The following FSTL5 variants were observed in gnomAD, a reference collection of about 807,000 sequenced individuals.
FSTL5 encodes the protein follistatin like 5.
In FSTL5, 62 loss-of-function variants were observed where a neutral mutation model predicts 89.1. That is an observed-to-expected ratio of 0.70 (90% CI 0.57 to 0.86). FSTL5 has a LOEUF of 0.86. Among genes scored for constraint, FSTL5 ranks in the 40% least tolerant of loss-of-function variants. The probability of loss-of-function intolerance (pLI) is 0.00; values close to 1 mark genes in which losing one functional copy is unlikely to be tolerated. For synonymous variants in FSTL5, 383 were observed against 346.2 expected (o/e 1.11, Z -1.18); for missense variants, 1,057 against 1,001.6 (o/e 1.06, Z -0.75).
At chr4:161,763,053 AAAC>A (rs1271989536) in intron 5 of FSTL5, among the ~76,000 whole-genome samples, 1 of 152,192 alleles carries the variant, frequency 6.6e-6, no homozygotes, top group African/African-American at 2.4e-5. Context: ...GTTCCAAAAC[AAAC>A]AATAAAAAAA....
rs970869187 is a variant in FSTL5, at chr4:161,421,158, T to C, written c.1841+33846A>G. ...AGATCGAGACCATCCTGGCTAACAC[T>C]GTGAAACCCAACTCTACTAAAAATA... On this transcript the variant is annotated intron_variant, in intron 15 of 15. Transcript: ENST00000306100. 1.2e-4 allele frequency among the ~76,000 whole-genome samples: 18 copies of C among 151,976 alleles called. 1 individual carries two copies. The East Asian group carries it at 2.1e-3, about 18-fold the overall frequency.
At chr4:161,940,742 T>C (rs113622484) in intron 3 of FSTL5, among the ~76,000 whole-genome samples, 1 of 151,718 alleles carries the variant, frequency 6.6e-6, no homozygotes, top group Non-Finnish European at 1.5e-5. Flanking sequence ...TAGTAGACCT[T>C]CACTCCAAGA....
At chr4:162,020,380 AT>A (rs1318672194) in intron 3 of FSTL5, among the ~76,000 whole-genome samples, 1 of 152,104 alleles carries the variant, frequency 6.6e-6, no homozygotes, top group Admixed American at 6.5e-5. Context: ...TCTAATAGTT[AT>A]TTAAGGAGTC....
chr4:162,013,682 T>G (rs7658962), intron 3 of FSTL5, among the ~76,000 whole-genome samples: 16,261 of 152,240 alleles, frequency 0.11, 906 homozygotes, highest in Non-Finnish European at 0.13. Flanking sequence ...CTTCAGACAT[T>G]AGTAAGCAAT....
chr4:161,609,953 T>G (rs1221553478), intron 7 of FSTL5, among the ~76,000 whole-genome samples: 2 of 152,184 alleles, frequency 1.3e-5, no homozygotes, highest in Admixed American at 6.5e-5. Flanking sequence ...CATGAGGGAC[T>G]CAGGGAAATT....
chr4:161,448,626 C>G (rs2126385296), intron 15 of FSTL5, among the ~76,000 whole-genome samples: 1 of 152,258 alleles, frequency 6.6e-6, no homozygotes, highest in Admixed American at 6.5e-5. Context: ...CTATAGACCA[C>G]TCTCCAGACT....
intron 4 of FSTL5, among the ~76,000 whole-genome samples, chr4:161,879,819 C>G (rs1732568013): frequency 6.6e-6 from 1 of 152,172 alleles, no homozygotes; most frequent in Non-Finnish European, 1.5e-5. Context: ...CTATCACTTC[C>G]CCTTGCTTAC....
intron 2 of FSTL5, among the ~76,000 whole-genome samples, chr4:162,046,788 G>A (rs534821914): frequency 2.6e-5 from 4 of 152,076 alleles, no homozygotes; most frequent in African/African-American, 4.8e-5. Flanking sequence ...GAATTTGTAT[G>A]ATTTAAAATG....
rs572814410 is a variant in FSTL5, at chr4:162,060,842, C to A, written c.127-27184G>T. Among the ~76,000 whole-genome samples the A allele has an allele frequency of 2.6e-5, 4 of 151,852 alleles. No homozygotes were observed. In the East Asian group the frequency reaches 7.7e-4, roughly 29 times the overall value. On this transcript the variant is annotated intron_variant, in intron 2 of 15. Coordinates refer to ENST00000306100, the MANE Select transcript of FSTL5 (RefSeq NM_020116.5). ...CCACACTTTGACATCATGAAAAAAA[C>A]CAAAGGTTCTTCTATTGACAACTGT...
chr4:162,150,253 G>A (rs2111508001), intron 1 of FSTL5, among the ~76,000 whole-genome samples: 1 of 152,234 alleles, frequency 6.6e-6, no homozygotes, highest in Admixed American at 6.5e-5. Flanking sequence ...TAACAGTAAA[G>A]CCACAGAGTT....
Position 161,677,846 on chromosome 4 carries a change from C to T in FSTL5, c.728-21352G>A, listed in dbSNP as rs376525392. ...TAAAATTGTGTTTTTTTGACTAACA[C>T]CTCCCCAGTCTCACCACAAATAATG... On this transcript the variant is annotated intron_variant, in intron 6 of 15. Coordinates refer to ENST00000306100, the MANE Select transcript of FSTL5 (RefSeq NM_020116.5). 6.6e-5 allele frequency among the ~76,000 whole-genome samples: 10 copies of T among 151,694 alleles called. No homozygotes were observed. In the South Asian group the frequency reaches 2.1e-3, roughly 31 times the overall value.
intron 4 of FSTL5, among the ~76,000 whole-genome samples, chr4:161,871,296 G>T (rs1732254483): frequency 6.6e-6 from 1 of 151,938 alleles, no homozygotes; most frequent in Non-Finnish European, 1.5e-5. Context: ...TTTGCACTTA[G>T]TAAAAAACTG....
At chr4:161,613,192 C>G (rs1734712699) in intron 7 of FSTL5, among the ~76,000 whole-genome samples, 1 of 152,132 alleles carries the variant, frequency 6.6e-6, no homozygotes, top group South Asian at 2.1e-4. Flanking sequence ...GTGGTTCACG[C>G]CTGTTATCCC....
At chr4:161,475,071 C>T (rs1293919131) in intron 13 of FSTL5, among the ~76,000 whole-genome samples, 11 of 141,114 alleles carry the variant, frequency 7.8e-5, no homozygotes, top group African/African-American at 2.9e-4. Flanking sequence ...ACGTATGGAT[C>T]CACTGCCTTC....
intron 13 of FSTL5, among the ~76,000 whole-genome samples, chr4:161,472,612 C>T (rs79991244): frequency 1.3e-5 from 2 of 151,156 alleles, no homozygotes; most frequent in South Asian, 2.1e-4. Flanking sequence ...TTTTTTTAAT[C>T]GATTGTTTAA....
At chr4:161,992,902 GTGTATATA>G (rs1436534344) in intron 3 of FSTL5, among the ~76,000 whole-genome samples, 10 of 12,530 alleles carry the variant, frequency 8.0e-4, no homozygotes, top group African/African-American at 2.0e-3. Context: ...ATATATGTGT[GTGTATATA>G]TATATATATA....
At chr4:161,584,448 A>C (rs1733539248) in intron 8 of FSTL5, among the ~76,000 whole-genome samples, 1 of 152,166 alleles carries the variant, frequency 6.6e-6, no homozygotes, top group African/African-American at 2.4e-5. Flanking sequence ...TGGTCTTATA[A>C]ATTATCTGCT....
intron 7 of FSTL5, among the ~76,000 whole-genome samples, chr4:161,632,305 G>A (rs1306570094): frequency 1.3e-5 from 2 of 152,090 alleles, no homozygotes; most frequent in Non-Finnish European, 2.9e-5. Flanking sequence ...TCTTGAACCC[G>A]GGTGGCAGAG....
chr4:162,023,182 C>A (rs1379426885), intron 3 of FSTL5, among the ~76,000 whole-genome samples: 1 of 152,022 alleles, frequency 6.6e-6, no homozygotes, highest in Non-Finnish European at 1.5e-5. Context: ...CAGGGACTAT[C>A]GTGTGGTATG....
Sources: gnomAD v4.1 joint callset for allele counts (sites outside exome capture counted in the v4.1 genomes callset) on GRCh38, gnomAD v4.1.1 for gene constraint, MANE v1.5 for transcripts, NCBI Gene and HGNC (gene_info 2026-07-23, HGNC 2026-07-21) for gene names.